Variants in ATP6V0A4 observed in about 807,000 individuals in gnomAD.
ATP6V0A4 encodes ATPase H+ transporting V0 subunit a4, also known as V-type proton ATPase 116 kDa subunit a 4.
ATP6V0A4 carries 86 observed loss-of-function variants against 107.3 expected under a neutral mutation model. That is an observed-to-expected ratio of 0.80 (90% confidence interval 0.67 to 0.96). The LOEUF is 0.96. ATP6V0A4 is among the 40% of genes least tolerant of loss of function. ATP6V0A4 has a pLI of 0.00. For synonymous variants in ATP6V0A4, 353 were observed against 381.4 expected (o/e 0.93, Z 0.87); for missense variants, 908 against 1,045.6 (o/e 0.87, Z 1.81).
At chr7:138,733,427 C>T (rs1356147195) in intron 16 of ATP6V0A4, among the ~76,000 whole-genome samples, 2 of 152,008 alleles carry the variant, frequency 1.3e-5, no homozygotes, top group Non-Finnish European at 2.9e-5. Context: ...CAGAGTTGCA[C>T]ATTTAAAGGC....
intron 15 of ATP6V0A4, among the ~76,000 whole-genome samples, chr7:138,736,221 C>A (rs1487235122): frequency 6.6e-6 from 1 of 152,020 alleles, no homozygotes; most frequent in Non-Finnish European, 1.5e-5. Flanking sequence ...ACAGCCTGGG[C>A]AAGAGAGCAA....
At chr7:138,752,512 C>A in intron 11 of ATP6V0A4, 113 bp downstream of exon 11, 1 of 1,339,208 alleles carries the variant, frequency 7.5e-7, no homozygotes, top group Non-Finnish European at 1.0e-6. Context: ...ATGAAGGAAG[C>A]AATCCTACCA....
Position 138,708,637 on chromosome 7 carries a change from C to A in ATP6V0A4, c.2429+987G>T, listed in dbSNP as rs184712105. 8.3e-4 allele frequency among the ~76,000 whole-genome samples: 126 copies of A among 152,330 alleles called. 3 individuals carry two copies. The South Asian group carries it at 0.026, about 31-fold the overall frequency. On this transcript the variant is annotated intron_variant, in intron 21 of 21. Transcript: ENST00000310018. ...GTTTCCATATTCATCAACCTAACGA[C>A]GGCTGATTGTCACTGGATACATCTG...
At chr7:138,713,187 C>T (rs1286403951) in intron 20 of ATP6V0A4, among the ~76,000 whole-genome samples, 2 of 150,966 alleles carry the variant, frequency 1.3e-5, no homozygotes, top group Middle Eastern at 3.2e-3. Flanking sequence ...CACCTGTAGT[C>T]CCAGCTACTC....
intron 1 of ATP6V0A4, among the ~76,000 whole-genome samples, chr7:138,795,805 T>A (rs1808629487): frequency 7.3e-6 from 1 of 136,314 alleles, no homozygotes; most frequent in Admixed American, 8.0e-5. Context: ...CATACCCAAG[T>A]AATTTTTTTG....
Position 138,751,450 on chromosome 7 carries a change from G to T in ATP6V0A4, c.1029+1175C>A, listed in dbSNP as rs73730500. Among the ~76,000 whole-genome samples the T allele has an allele frequency of 8.0e-3, 1,217 of 151,850 alleles. 17 individuals carry two copies. The highest frequency in any genetic ancestry group is 0.028 in the African/African-American group (1,150 of 41,402). On this transcript the variant is annotated intron_variant, in intron 11 of 21. Coordinates refer to ENST00000310018, the MANE Select transcript of ATP6V0A4 (RefSeq NM_020632.3). ...TCTTGTACTATTTAGGGCAGGAGGG[G>T]GTCCCTCCTTCAATGGGGTGAATAA...
chr7:138,747,481 C>T lies in ATP6V0A4; in HGVS notation c.1264G>A (p.Ala422Thr), dbSNP rs769100205. ...CTCTCATTCAGAATCATCCAAAGTG[C>T]AGCCAGGAGCATCACGGTTCCATGA... is the stretch of plus-strand genomic sequence containing the variant. ...CGHGTVMLLA[A>T]LWMILNERRL... The change falls in exon 13 of 22, where the codon GCA (alanine) becomes ACA (threonine). Residue 422 changes from alanine (A) to threonine (T), a missense_variant. By Grantham distance (58) the Ala-to-Thr change is moderately conservative. Transcript: ENST00000310018. 2.5e-6 allele frequency: 4 copies of T among 1,613,998 alleles called. No homozygotes were observed. In the African/African-American group the frequency reaches 5.3e-5, roughly 22 times the overall value.
chr7:138,787,805 C>A (rs1808236187), intron 1 of ATP6V0A4, among the ~76,000 whole-genome samples: 1 of 152,030 alleles, frequency 6.6e-6, no homozygotes, highest in Non-Finnish European at 1.5e-5. Flanking sequence ...TGAGACTAGC[C>A]TCGGTAACAG....
chr7:138,741,994 G>A (rs1461438062), intron 14 of ATP6V0A4, among the ~76,000 whole-genome samples: 1 of 152,206 alleles, frequency 6.6e-6, no homozygotes, highest in Non-Finnish European at 1.5e-5. Flanking sequence ...ATTTGCAGGT[G>A]CATAAGAGAA....
chr7:138,747,670 C>A (rs951150474), intron 12 of ATP6V0A4, 106 bp from the exon 13 acceptor site: 7 of 1,520,094 alleles, frequency 4.6e-6, no homozygotes, highest in Non-Finnish European at 6.2e-6. Flanking sequence ...TTTCCTTAAG[C>A]CTTTCTGGTT....
At chr7:138,777,743 CTG>C (rs1420416054) in intron 2 of ATP6V0A4, among the ~76,000 whole-genome samples, 5 of 151,944 alleles carry the variant, frequency 3.3e-5, no homozygotes, top group African/African-American at 9.7e-5. Flanking sequence ...AATAAAAACC[CTG>C]TACAGTATAT....
chr7:138,754,486 G>A (rs1806408833), intron 10 of ATP6V0A4, among the ~76,000 whole-genome samples: 1 of 151,704 alleles, frequency 6.6e-6, no homozygotes, highest in African/African-American at 2.4e-5. Flanking sequence ...AGGTTTTCTG[G>A]AAAAGTAAAG....
rs766219716 is a variant in ATP6V0A4, at chr7:138,755,746, C to T, written c.759G>A (p.Ala253=). 1.8e-5 allele frequency: 29 copies of T among 1,613,702 alleles called. No homozygotes were observed. The highest frequency in any genetic ancestry group is 2.3e-5 in the Non-Finnish European group (27 of 1,180,050). Residue 253 remains alanine, a synonymous_variant, in exon 10 of 22, where the codon GCG becomes GCA. Transcript: ENST00000310018. ...TCTCCAACATCTCTCTGCGCTCCAC[C>T]GCAGGCTCTGGGCAAGGGTAGACAG... ...RATVYPCPEP[A]VERREMLESV... is the part of the protein sequence containing the mutation.
At position 138,763,028 on chromosome 7, in the gene ATP6V0A4, A is replaced by T. The variant is rs370441093; in HGVS notation, c.292-3T>A. On this transcript the variant is annotated splice_region_variant and splice_polypyrimidine_tract_variant and intron_variant, in intron 5 of 21. Transcript: ENST00000310018. ...CCTTCCAGTTTTTCTAGAACAGTCT[A>T]TGCAGGAAGGAAAAAGAAGGTAAGC... 2 of 1,613,954 alleles carry T rather than the reference A, an allele frequency of 1.2e-6. No homozygotes were observed. Among genetic ancestry groups the T allele is most frequent in the Non-Finnish European group, 1.7e-6 (2 of 1,180,004 alleles).
Position 138,769,192 on chromosome 7 carries a change from T to G in ATP6V0A4, c.177A>C (p.Glu59Asp). The stretch of plus-strand genomic sequence containing the variant: ...GCTTACGGAGGATTCTCTCCAGTGA[T>G]TCACACCTTCTGACTTCATTCACAA... ...RKFVNEVRRC[E>D]SLERILRFLE... Residue 59 changes from glutamate (E) to aspartate (D), a missense_variant, in exon 4 of 22, where the codon GAA (glutamate) becomes GAC (aspartate). Transcript: ENST00000310018. 2 of 1,611,768 alleles carry G rather than the reference T, an allele frequency of 1.2e-6. No homozygotes were observed. The highest frequency in any genetic ancestry group is 1.7e-6 in the Non-Finnish European group (2 of 1,179,874).
At chr7:138,729,349 A>G (rs1804874035) in intron 17 of ATP6V0A4, among the ~76,000 whole-genome samples, 1 of 152,210 alleles carries the variant, frequency 6.6e-6, no homozygotes. Flanking sequence ...CTAGAAAATT[A>G]TCTGAGCTCT....
intron 2 of ATP6V0A4, among the ~76,000 whole-genome samples, chr7:138,778,891 G>A (rs1440350673): frequency 2.6e-5 from 4 of 152,062 alleles, no homozygotes; most frequent in African/African-American, 4.8e-5. Flanking sequence ...CCCCTCCCCC[G>A]ATCATTGATG....
intron 5 of ATP6V0A4, among the ~76,000 whole-genome samples, chr7:138,768,472 A>G (rs1807203353): frequency 6.6e-6 from 1 of 151,494 alleles, no homozygotes; most frequent in Non-Finnish European, 1.5e-5. Context: ...CACCCAGCAG[A>G]CAAGACCACA....
rs563411084 is a variant in ATP6V0A4, at chr7:138,734,647, G to A, written c.1573-393C>T. Among the ~76,000 whole-genome samples the A allele has an allele frequency of 1.9e-4, 29 of 151,998 alleles. 1 individual carries two copies. In the Middle Eastern group the frequency reaches 0.014, roughly 71 times the overall value. ...ACAAAAATTAGCTGGGCATGGTGGC[G>A]GGTGCCTGTAATCCCAACTACTCAG... On this transcript the variant is annotated intron_variant, in intron 15 of 21. Coordinates refer to ENST00000310018, the MANE Select transcript of ATP6V0A4 (RefSeq NM_020632.3).
Sources: allele counts gnomAD v4.1 joint callset (sites outside exome capture counted in the v4.1 genomes callset), GRCh38; gene constraint gnomAD v4.1.1; transcripts MANE v1.5; gene names NCBI Gene and HGNC (gene_info 2026-07-23, HGNC 2026-07-21).